NHLRC2: variants seen among roughly 807,000 people sequenced by gnomAD.
NHLRC2 encodes NHL repeat-containing protein 2.
In NHLRC2, 33 loss-of-function variants were observed where a neutral mutation model predicts 68.1. The ratio of observed to expected loss-of-function variants is 0.48; its 90% CI spans 0.37 to 0.65. The LOEUF (loss-of-function observed/expected upper bound fraction) is 0.65, where lower values mean the gene tolerates loss of function less well. Ranked by LOEUF, NHLRC2 falls within the 30% of genes least tolerant of loss-of-function variation. The pLI is 0.00. For missense variants in NHLRC2, 761 were observed against 853.8 expected (o/e 0.89, Z 1.35); for synonymous variants, 311 against 309.6 (o/e 1.00, Z -0.05).
chr10:113,867,537 C>T (rs1314960906), intron 2 of NHLRC2, among the ~76,000 whole-genome samples: 1 of 152,180 alleles, frequency 6.6e-6, no homozygotes, highest in Admixed American at 6.5e-5. Context: ...TTTCCCTCTC[C>T]AGCATCTTTT....
Position 113,913,848 on chromosome 10 carries a change from T to G in NHLRC2, c.*5312T>G, listed in dbSNP as rs1846351493. On this transcript the variant is annotated 3_prime_UTR_variant, in exon 11 of 11. Coordinates refer to ENST00000369301, the MANE Select transcript of NHLRC2 (RefSeq NM_198514.4). ...GGTACTTTTTGTTGTTGTTGTTTTG[T>G]TTTTTTTTTTTTTTTTTGAGATGGA... is the stretch of plus-strand genomic sequence containing the variant. 2 of 113,730 alleles carry G rather than the reference T, an allele frequency of 1.8e-5. No homozygotes were observed. Among genetic ancestry groups the G allele is most frequent in the East Asian group, 2.7e-4 (1 of 3,670 alleles). The allele number at this position is 113,730 out of a possible 1,614,324, so 7.0% of individuals were successfully genotyped here. A position where few individuals can be genotyped will look rare whatever the true frequency, so the allele number is the denominator to read the frequency against.
intron 5 of NHLRC2, among the ~76,000 whole-genome samples, chr10:113,891,065 T>G (rs553989793): frequency 6.6e-6 from 1 of 152,292 alleles, no homozygotes; most frequent in East Asian, 1.9e-4. Context: ...ACCAGGTCCC[T>G]CCCTCGACTT....
At chr10:113,889,689 T>C (rs1846114203) in intron 5 of NHLRC2, among the ~76,000 whole-genome samples, 1 of 152,150 alleles carries the variant, frequency 6.6e-6, no homozygotes, top group Non-Finnish European at 1.5e-5. Flanking sequence ...CAGAATATTT[T>C]CATCCCAAAA....
In NHLRC2 at chr10:113,881,286, C is replaced by T. The variant is rs375783124; in HGVS notation, c.909+1591C>T. Among the ~76,000 whole-genome samples, 7 of 151,672 alleles carry T rather than the reference C, an allele frequency of 4.6e-5. No individual in the cohort carries two copies. In the East Asian group the frequency reaches 1.2e-3, roughly 25 times the overall value. On this transcript the variant is annotated intron_variant, in intron 4 of 10. Coordinates refer to ENST00000369301, the MANE Select transcript of NHLRC2 (RefSeq NM_198514.4). ...AACTTAATGGGTTTTCGAGTATTGA[C>T]CATGTGCTCCATTTCAAATATTTAT...
intron 5 of NHLRC2, among the ~76,000 whole-genome samples, chr10:113,889,294 A>G (rs1846111276): frequency 6.6e-6 from 1 of 152,058 alleles, no homozygotes; most frequent in African/African-American, 2.4e-5. Context: ...TTGAAATCCA[A>G]CTATTTAGTA....
Position 113,901,737 on chromosome 10 carries a change from C to G in NHLRC2, c.1211C>G (p.Pro404Arg). Residue 404 changes from proline (P) to arginine (R), a missense_variant, in exon 7 of 11, where the codon CCT becomes CGT. Pro to Arg is a moderately radical substitution (Grantham distance 103, BLOSUM62 -2). Transcript: ENST00000369301. ...GNEENRNNAY[P>R]HKAGFAQPSG... ...GAAGAGAATCGAAACAATGCCTATC[C>G]TCACAAGGCAGGTTTTGCCCAACCT... 1 of 1,614,146 alleles carries G rather than the reference C, an allele frequency of 6.2e-7. No individual in the cohort carries two copies. The highest frequency in any genetic ancestry group is 8.5e-7 in the Non-Finnish European group (1 of 1,179,982).
At chr10:113,900,499 A>G (rs1173796372) in intron 6 of NHLRC2, among the ~76,000 whole-genome samples, 1 of 152,194 alleles carries the variant, frequency 6.6e-6, no homozygotes, top group Non-Finnish European at 1.5e-5. Context: ...TGGCACTAGG[A>G]CCACACTGAC....
chr10:113,876,691 C>A lies in NHLRC2; in HGVS notation c.502C>A (p.Leu168Ile). Residue 168 changes from leucine (L) to isoleucine (I), a missense_variant, in exon 3 of 11, where the codon CTT becomes ATT. Physicochemically the swap from Leu to Ile is conservative, Grantham distance 5. Coordinates refer to ENST00000369301, the MANE Select transcript of NHLRC2 (RefSeq NM_198514.4). ...EVSCWPTLVILGPRGNMLFSL... is the reference protein window; with the variant it reads ...EVSCWPTLVIIGPRGNMLFSL... ...TTCCTGCTGGCCAACTCTAGTCATA[C>A]TTGGACCTCGTGGAAACATGTTGTT... 6.2e-7 allele frequency: 1 copy of A among 1,613,958 alleles called. No homozygotes were observed. Among genetic ancestry groups the A allele is most frequent in the South Asian group, 1.1e-5 (1 of 91,080 alleles).
At position 113,854,806 on chromosome 10, in the gene NHLRC2, AC is replaced by A; in HGVS notation, c.-66del. The A allele has an allele frequency of 7.3e-7, 1 of 1,371,196 alleles. No individual in the cohort carries two copies. Among genetic ancestry groups the A allele is most frequent in the Admixed American group, 2.4e-5 (1 of 40,872 alleles). The allele number at this position is 1,371,196 out of a possible 1,614,324, so 84.9% of individuals were successfully genotyped here. A position where few individuals can be genotyped will look rare whatever the true frequency, so the allele number is the denominator to read the frequency against. ...CCGTTTGGAAACCACAGGACAGTGA[AC>A]GTTTCGTCTCTCCCAGCGAGACTCT... On this transcript the variant is annotated 5_prime_UTR_variant, in exon 1 of 11. Coordinates refer to ENST00000369301, the MANE Select transcript of NHLRC2 (RefSeq NM_198514.4).
chr10:113,879,003 C>T (rs1846011504), intron 3 of NHLRC2, among the ~76,000 whole-genome samples: 1 of 152,182 alleles, frequency 6.6e-6, no homozygotes, highest in Admixed American at 6.5e-5. Context: ...TGAAACTCTA[C>T]ATGAATTGTA....
At chr10:113,855,143 T>G (rs925017780) in intron 1 of NHLRC2, 93 bp downstream of exon 1, 54 of 1,180,480 alleles carry the variant, frequency 4.6e-5, no homozygotes, top group Non-Finnish European at 6.3e-5. Flanking sequence ...TAGGCGGGTT[T>G]GTGCCGCTGG....
chr10:113,907,184 G>T (rs73347521), intron 10 of NHLRC2, among the ~76,000 whole-genome samples: 7,394 of 152,126 alleles, frequency 0.049, 581 homozygotes, highest in African/African-American at 0.17. Flanking sequence ...TTTCACCTTC[G>T]TACTCTTATT....
Position 113,901,832 on chromosome 10 carries a change from G to T in NHLRC2, c.1306G>T (p.Val436Leu). ...TGTAGCAGATAGTGAGAGCAGTACAGTGAGAACCGTTTCACTGAAAGATGG... is the reference window on the plus strand; with the variant it reads ...TGTAGCAGATAGTGAGAGCAGTACATTGAGAACCGTTTCACTGAAAGATGG... ...LFVADSESSTVRTVSLKDGAV... is the reference protein window; with the variant it reads ...LFVADSESSTLRTVSLKDGAV... The change falls in exon 7 of 11, where the codon GTG becomes TTG. Residue 436 changes from valine to leucine, a missense_variant. Val to Leu is a conservative substitution (Grantham distance 32). Coordinates refer to ENST00000369301, the MANE Select transcript of NHLRC2 (RefSeq NM_198514.4). 15 of 1,614,154 alleles carry T rather than the reference G, an allele frequency of 9.3e-6. No homozygotes were observed. The highest frequency in any genetic ancestry group is 1.3e-5 in the Non-Finnish European group (15 of 1,180,006).
In NHLRC2 at chr10:113,901,788, A is replaced by T. The variant is rs1179533289; in HGVS notation, c.1262A>T (p.Asp421Val). ...QPSGLSLASE[D>V]PWSCLFVADS... ...TCAGGCCTTTCCTTGGCCTCTGAAG[A>T]TCCCTGGAGCTGCTTGTTTGTAGCA... Residue 421 changes from aspartate (D) to valine (V), a missense_variant, in exon 7 of 11, where the codon GAT becomes GTT. Asp to Val is a radical substitution (Grantham distance 152). Coordinates refer to ENST00000369301, the MANE Select transcript of NHLRC2 (RefSeq NM_198514.4). The T allele has an allele frequency of 6.2e-7, 1 of 1,614,140 alleles. No individual in the cohort carries two copies. Among genetic ancestry groups the T allele is most frequent in the South Asian group, 1.1e-5 (1 of 91,072 alleles).
chr10:113,886,682 T>C (rs1846085848), intron 5 of NHLRC2, among the ~76,000 whole-genome samples: 1 of 152,168 alleles, frequency 6.6e-6, no homozygotes, highest in Non-Finnish European at 1.5e-5. Context: ...GATATCCACA[T>C]GCAGATGAAT....
intron 10 of NHLRC2, among the ~76,000 whole-genome samples, chr10:113,907,662 G>A (rs982189716): frequency 4.6e-5 from 7 of 152,032 alleles, no homozygotes; most frequent in South Asian, 2.1e-4. Flanking sequence ...AGAGTTTTAC[G>A]TATTATAATG....
At chr10:113,874,143 A>G (rs1239815482) in intron 2 of NHLRC2, among the ~76,000 whole-genome samples, 1 of 152,044 alleles carries the variant, frequency 6.6e-6, no homozygotes, top group African/African-American at 2.4e-5. Flanking sequence ...TCTTTTATTA[A>G]TCTTTGTACT....
rs183776451 is a variant in NHLRC2, at chr10:113,904,341, T to G, written c.1705-476T>G. 4.4e-3 allele frequency among the ~76,000 whole-genome samples: 667 copies of G among 152,246 alleles called. 5 individuals carry two copies. Among genetic ancestry groups the G allele is most frequent in the African/African-American group, 0.016 (648 of 41,562 alleles). Reference sequence around the variant, plus strand: ...TAACTCTTGATGTATGACATTTACCTGAAAAAAATGCAACAGTTTTTTTCT... The same window carrying G: ...TAACTCTTGATGTATGACATTTACCGGAAAAAAATGCAACAGTTTTTTTCT... On this transcript the variant is annotated intron_variant, in intron 9 of 10. Coordinates refer to ENST00000369301, the MANE Select transcript of NHLRC2 (RefSeq NM_198514.4).
intron 6 of NHLRC2, 141 bp downstream of exon 6, chr10:113,898,350 A>T: frequency 1.9e-6 from 1 of 524,220 alleles, no homozygotes; most frequent in Non-Finnish European, 3.5e-6. Flanking sequence ...ATTCTCAGTG[A>T]CTTAAAACAA....
Sources: gnomAD v4.1 joint callset for allele counts (sites outside exome capture counted in the v4.1 genomes callset) on GRCh38, gnomAD v4.1.1 for gene constraint, MANE v1.5 for transcripts, NCBI Gene and HGNC (gene_info 2026-07-23, HGNC 2026-07-21) for gene names.